The following ANO3 variants were observed in gnomAD, a reference collection of about 807,000 sequenced individuals.
ANO3 encodes anoctamin-3.
In ANO3, 99 loss-of-function variants were observed where a neutral mutation model predicts 144.8. The observed-to-expected ratio is 0.68, with a 90% CI of 0.58 to 0.81. The LOEUF (loss-of-function observed/expected upper bound fraction) is 0.81. Among genes scored for constraint, ANO3 ranks in the 30% least tolerant of loss-of-function variants. The probability of loss-of-function intolerance (pLI) is 0.00; values close to 1 mark genes in which losing one functional copy is unlikely to be tolerated. For synonymous variants in ANO3, 414 were observed against 392.6 expected (o/e 1.05, Z -0.64); for missense variants, 905 against 1,202.2 (o/e 0.75, Z 3.66).
At chr11:26,383,555 T>C (rs1336832044) in intron 1 of ANO3, among the ~76,000 whole-genome samples, 1 of 119,996 alleles carries the variant, frequency 8.3e-6, no homozygotes, top group Non-Finnish European at 2.0e-5. Flanking sequence ...CTATCCTAAA[T>C]GACTTTAGAC....
intron 4 of ANO3, among the ~76,000 whole-genome samples, chr11:26,467,841 A>G (rs540794678): frequency 6.6e-6 from 1 of 151,984 alleles, no homozygotes; most frequent in South Asian, 2.1e-4. Flanking sequence ...CTATGTGGCT[A>G]AGCAATTTAA....
At chr11:26,225,196 A>T (rs948328902) in intron 1 of ANO3, among the ~76,000 whole-genome samples, 1 of 152,150 alleles carries the variant, frequency 6.6e-6, no homozygotes, top group African/African-American at 2.4e-5. Flanking sequence ...GTCTTAGAAA[A>T]TTTAAATAAG....
intron 18 of ANO3, among the ~76,000 whole-genome samples, chr11:26,631,221 T>TTA (rs149956766): frequency 0.011 from 1,697 of 152,204 alleles, 44 homozygotes; most frequent in African/African-American, 0.039. Context: ...ACTTCATAAA[T>TTA]GTTAGTCAAT....
intron 14 of ANO3, among the ~76,000 whole-genome samples, chr11:26,562,589 T>C (rs1850336255): frequency 6.6e-6 from 1 of 151,916 alleles, no homozygotes; most frequent in Non-Finnish European, 1.5e-5. Flanking sequence ...GAGTGGAAAA[T>C]TCCTGAATTA....
At chr11:26,610,793 T>G (rs1852077737) in intron 17 of ANO3, among the ~76,000 whole-genome samples, 1 of 152,192 alleles carries the variant, frequency 6.6e-6, no homozygotes, top group Non-Finnish European at 1.5e-5. Context: ...AGATGACTAT[T>G]TATTACTGAT....
intron 1 of ANO3, among the ~76,000 whole-genome samples, chr11:26,409,666 C>T (rs7127734): frequency 6.6e-5 from 10 of 151,872 alleles, no homozygotes; most frequent in African/African-American, 2.4e-4. Flanking sequence ...ATAGAAATTA[C>T]GATGAAAGAA....
chr11:26,319,126 G>A (rs1308908592), intron 1 of ANO3, among the ~76,000 whole-genome samples: 1 of 145,168 alleles, frequency 6.9e-6, no homozygotes, highest in Non-Finnish European at 1.5e-5. Context: ...ACAGGTGTGT[G>A]CCACTACTTC....
intron 4 of ANO3, among the ~76,000 whole-genome samples, chr11:26,484,434 G>A (rs542799132): frequency 6.6e-6 from 1 of 152,250 alleles, no homozygotes; most frequent in South Asian, 2.1e-4. Flanking sequence ...CACAAGTCAT[G>A]GCAGCTTCCA....
intron 1 of ANO3, among the ~76,000 whole-genome samples, chr11:26,272,625 GCTTCAAAAATGTCAAGA>G (rs1416984964): frequency 6.6e-6 from 1 of 152,060 alleles, no homozygotes; most frequent in Non-Finnish European, 1.5e-5. Flanking sequence ...AGAAGATTTG[GCTTCAAAAATGTCAAGA>G]TCAGGAGAAG....
intron 14 of ANO3, among the ~76,000 whole-genome samples, chr11:26,573,585 C>G (rs1413965986): frequency 6.6e-6 from 1 of 152,192 alleles, no homozygotes; most frequent in African/African-American, 2.4e-5. Flanking sequence ...ATCATTATCC[C>G]CTTCTGCCTT....
At chr11:26,355,384 C>G (rs1239402817) in intron 1 of ANO3, among the ~76,000 whole-genome samples, 2 of 152,006 alleles carry the variant, frequency 1.3e-5, no homozygotes, top group African/African-American at 2.4e-5. Context: ...TGACTTCCAG[C>G]AGAAAAATTT....
At chr11:26,635,574 A>G (rs1252681073) in intron 20 of ANO3, among the ~76,000 whole-genome samples, 2 of 152,142 alleles carry the variant, frequency 1.3e-5, no homozygotes, top group Admixed American at 6.6e-5. Context: ...TTTCACTGAG[A>G]CTGAGAAATG....
intron 11 of ANO3, 143 bp from the exon 12 acceptor site, chr11:26,547,273 T>C (rs887692008): frequency 1.7e-5 from 13 of 744,090 alleles, no homozygotes; most frequent in African/African-American, 3.5e-5. Context: ...CAAGCAGGAG[T>C]ATTAGATACT....
At chr11:26,377,532 A>C (rs753971134) in intron 1 of ANO3, among the ~76,000 whole-genome samples, 2 of 152,086 alleles carry the variant, frequency 1.3e-5, no homozygotes, top group Non-Finnish European at 2.9e-5. Context: ...CAATAAATTA[A>C]AAACTCTGAA....
intron 1 of ANO3, among the ~76,000 whole-genome samples, chr11:26,264,768 G>T (rs906875873): frequency 2.0e-5 from 3 of 151,738 alleles, no homozygotes; most frequent in African/African-American, 7.3e-5. Flanking sequence ...TTCCTGTGTG[G>T]GTCTGTATCC....
intron 1 of ANO3, among the ~76,000 whole-genome samples, chr11:26,273,986 T>C (rs1046100334): frequency 9.2e-5 from 14 of 152,088 alleles, no homozygotes; most frequent in Middle Eastern, 3.2e-3. Context: ...GGCAAAATGA[T>C]TAGCCATCAT....
intron 1 of ANO3, among the ~76,000 whole-genome samples, chr11:26,379,790 C>CA (rs1487826892): frequency 6.6e-6 from 1 of 151,652 alleles, no homozygotes; most frequent in East Asian, 1.9e-4. Context: ...AACCCCGTTT[C>CA]AAAAAAAGAA....
At chr11:26,379,971 C>A (rs956068377) in intron 1 of ANO3, among the ~76,000 whole-genome samples, 1 of 152,066 alleles carries the variant, frequency 6.6e-6, no homozygotes, top group Admixed American at 6.6e-5. Context: ...TTCAGTTAAT[C>A]CTGTTTATGT....
intron 4 of ANO3, among the ~76,000 whole-genome samples, chr11:26,480,446 G>A (rs1024604767): frequency 2.3e-4 from 35 of 151,866 alleles, no homozygotes; most frequent in African/African-American, 8.0e-4. Context: ...CAACATGTTC[G>A]GCTGTGGTCT....
Sources: gnomAD v4.1 joint callset for allele counts (sites outside exome capture counted in the v4.1 genomes callset) on GRCh38, gnomAD v4.1.1 for gene constraint, MANE v1.5 for transcripts, NCBI Gene and HGNC (gene_info 2026-07-23, HGNC 2026-07-21) for gene names.